UTRN: variants seen among roughly 807,000 people sequenced by gnomAD.
UTRN encodes the protein utrophin, also known as dystrophin-related protein 1.
A neutral mutation model predicts 463.9 loss-of-function variants in UTRN; 283 were observed. The ratio of observed to expected loss-of-function variants is 0.61; its 90% CI spans 0.55 to 0.67. The LOEUF is 0.67. UTRN is among the 30% of genes least tolerant of loss of function. The pLI, the probability that UTRN is intolerant of heterozygous loss-of-function variation, is 0.00. For missense variants in UTRN, 3,922 were observed against 4,084.3 expected (o/e 0.96, Z 1.08); for synonymous variants, 1,442 against 1,431.5 (o/e 1.01, Z -0.17).
intron 58 of UTRN, among the ~76,000 whole-genome samples, chr6:144,760,265 AAGTT>A (rs1217854847): frequency 6.6e-6 from 1 of 152,100 alleles, no homozygotes; most frequent in East Asian, 1.9e-4. Flanking sequence ...GGTAGAATAA[AAGTT>A]AGTTTTACCT....
intron 53 of UTRN, among the ~76,000 whole-genome samples, chr6:144,724,026 AAAAG>A (rs1787536181): frequency 6.7e-6 from 1 of 150,034 alleles, no homozygotes; most frequent in Non-Finnish European, 1.5e-5. Flanking sequence ...AAAAAAAAAA[AAAAG>A]AAAGAAAAAA....
At chr6:144,345,213 A>C (rs1443461766) in intron 2 of UTRN, among the ~76,000 whole-genome samples, 1 of 152,214 alleles carries the variant, frequency 6.6e-6, no homozygotes, top group South Asian at 2.1e-4. Context: ...GAGCAAATTC[A>C]AACCAAAATG....
intron 53 of UTRN, among the ~76,000 whole-genome samples, chr6:144,728,728 C>T (rs953875191): frequency 6.6e-6 from 1 of 151,982 alleles, no homozygotes; most frequent in African/African-American, 2.4e-5. Flanking sequence ...TTTATTTTAT[C>T]CTATATCCTG....
chr6:144,296,731 A>G (rs1365668807), intron 2 of UTRN, among the ~76,000 whole-genome samples: 1 of 151,984 alleles, frequency 6.6e-6, no homozygotes, highest in African/African-American at 2.4e-5. Flanking sequence ...TCCCTTACAC[A>G]TTTTGCACTG....
At chr6:144,351,635 C>T (rs1018941889) in intron 2 of UTRN, among the ~76,000 whole-genome samples, 3 of 152,188 alleles carry the variant, frequency 2.0e-5, no homozygotes, top group African/African-American at 2.4e-5. Context: ...GGCACGCAGC[C>T]GCCTCCCCTA....
At chr6:144,830,176 G>A (rs1780542630) in intron 69 of UTRN, among the ~76,000 whole-genome samples, 2 of 152,056 alleles carry the variant, frequency 1.3e-5, no homozygotes, top group Admixed American at 6.6e-5. Flanking sequence ...CTCAAATTTA[G>A]TATATTGTAT....
intron 53 of UTRN, among the ~76,000 whole-genome samples, chr6:144,704,863 G>A (rs1784932438): frequency 1.3e-5 from 2 of 152,140 alleles, no homozygotes; most frequent in African/African-American, 2.4e-5. Flanking sequence ...TTGGGAGGCT[G>A]AAGCAGGAGA....
intron 66 of UTRN, among the ~76,000 whole-genome samples, chr6:144,824,448 CAT>C (rs1441151401): frequency 1.1e-4 from 9 of 85,206 alleles, no homozygotes; most frequent in East Asian, 6.0e-4. Context: ...TATATATACA[CAT>C]ATACAATAAA....
chr6:144,530,737 AGT>A (rs758363044), intron 41 of UTRN, among the ~76,000 whole-genome samples: 2 of 151,498 alleles, frequency 1.3e-5, no homozygotes, highest in Admixed American at 6.6e-5. Flanking sequence ...TGTGTGTGTG[AGT>A]GTGTTTGTGA....
Position 144,514,632 on chromosome 6 carries a change from G to A in UTRN, c.5074-18G>A. 1.2e-6 allele frequency: 2 copies of A among 1,610,324 alleles called. No homozygotes were observed. Among genetic ancestry groups the A allele is most frequent in the Non-Finnish European group, 1.7e-6 (2 of 1,178,412 alleles). Reference sequence around the variant, plus strand: ...TTGATTTTTCCCATGAGATAATTTTGTGTTTTCTTATAATTAGCGTTTAGT... The same window carrying A: ...TTGATTTTTCCCATGAGATAATTTTATGTTTTCTTATAATTAGCGTTTAGT... On this transcript the variant is annotated intron_variant, in intron 36 of 74. Transcript: ENST00000367545.
At chr6:144,803,188 T>A in intron 65 of UTRN, 41 bp downstream of exon 65, 3 of 1,171,624 alleles carry the variant, frequency 2.6e-6, no homozygotes, top group South Asian at 4.8e-5. Flanking sequence ...TACATTGCCA[T>A]TGAATTAACT....
chr6:144,416,039 A>ATGTG (rs1003353381), intron 3 of UTRN, among the ~76,000 whole-genome samples: 3 of 150,958 alleles, frequency 2.0e-5, no homozygotes, highest in Non-Finnish European at 3.0e-5. Context: ...TAGTCCGTGG[A>ATGTG]TGTGTGTGTG....
intron 66 of UTRN, among the ~76,000 whole-genome samples, chr6:144,826,158 GAAAAAATA>G (rs1742305607): frequency 1.7e-5 from 2 of 117,934 alleles, no homozygotes; most frequent in South Asian, 5.0e-4. Flanking sequence ...AATAATAAAA[GAAAAAATA>G]AATAAATAAA....
intron 9 of UTRN, among the ~76,000 whole-genome samples, chr6:144,432,276 C>G (rs182760487): frequency 1.3e-5 from 2 of 152,212 alleles, no homozygotes; most frequent in Non-Finnish European, 2.9e-5. Context: ...ATATGGCAGC[C>G]TGCACATTTT....
At chr6:144,516,086 A>G (rs1405627618) in intron 37 of UTRN, 143 bp from the exon 38 acceptor site, 1 of 800,378 alleles carries the variant, frequency 1.2e-6, no homozygotes, top group Non-Finnish European at 1.9e-6. Context: ...TGCCATATAA[A>G]TGAATGAAAC....
chr6:144,485,925 G>C (rs1792399339), intron 28 of UTRN, among the ~76,000 whole-genome samples: 1 of 152,178 alleles, frequency 6.6e-6, no homozygotes, highest in Non-Finnish European at 1.5e-5. Context: ...CTTACCTTCA[G>C]ATGCTAGAAG....
chr6:144,533,039 C>A, intron 42 of UTRN, 46 bp from the exon 43 acceptor site: 1 of 1,094,822 alleles, frequency 9.1e-7, no homozygotes, highest in Non-Finnish European at 1.4e-6. Context: ...GCATCAGAAT[C>A]ATTTACTTAT....
In UTRN at chr6:144,602,816, A is replaced by G. The variant is rs180744872; in HGVS notation, c.7479+25528A>G. On this transcript the variant is annotated intron_variant, in intron 51 of 74. Transcript: ENST00000367545. The stretch of plus-strand genomic sequence containing the variant: ...CAATATTATAATGAAAGAATGTTGA[A>G]TTAAATGACATTGAATGAAACAACA... 1.1e-3 allele frequency among the ~76,000 whole-genome samples: 164 copies of G among 152,352 alleles called. 1 individual carries two copies. Among genetic ancestry groups the G allele is most frequent in the Middle Eastern group, 6.8e-3 (2 of 294 alleles).
At position 144,491,066 on chromosome 6, in the gene UTRN, C is replaced by A; in HGVS notation, c.4401C>A (p.Asp1467Glu). Residue 1467 changes from aspartate (D) to glutamate (E), a missense_variant, in exon 32 of 75, where the codon GAC (aspartate) becomes GAA (glutamate). Coordinates refer to ENST00000367545, the MANE Select transcript of UTRN (RefSeq NM_007124.3). ...ELHVLDVKDV[D>E]PDVIQTHLDK... ...ACGTTCTGGATGTGAAGGACGTAGA[C>A]CCTGACGTCATACAGACGCACCTGG... is the stretch of plus-strand genomic sequence containing the variant. The A allele has an allele frequency of 6.2e-7, 1 of 1,613,042 alleles. No homozygotes were observed. The highest frequency in any genetic ancestry group is 1.1e-5 in the South Asian group (1 of 90,874).
Sources: gnomAD v4.1 joint callset for allele counts (sites outside exome capture counted in the v4.1 genomes callset) on GRCh38, gnomAD v4.1.1 for gene constraint, MANE v1.5 for transcripts, NCBI Gene and HGNC (gene_info 2026-07-23, HGNC 2026-07-21) for gene names.